Variants in PCDHGA5 observed in about 807,000 individuals in gnomAD.
The protein encoded by PCDHGA5 is protocadherin gamma-A5.
Under a neutral mutation model 56.7 loss-of-function variants are expected in PCDHGA5, and 36 were observed. That is an observed-to-expected ratio of 0.64 (90% CI 0.49 to 0.84). The LOEUF (loss-of-function observed/expected upper bound fraction) is 0.84. PCDHGA5 is among the 40% of genes least tolerant of loss of function. The probability of loss-of-function intolerance (pLI) is 0.00; values close to 1 mark genes in which losing one functional copy is unlikely to be tolerated. For missense variants in PCDHGA5, 1,305 were observed against 1,201.5 expected (o/e 1.09, Z -1.27); for synonymous variants, 563 against 520.2 (o/e 1.08, Z -1.12).
At position 141,405,049 on chromosome 5, in the gene PCDHGA5, C is replaced by T. The variant is rs190786640; in HGVS notation, c.2421+38298C>T. 223 of 1,613,936 alleles carry T rather than the reference C, an allele frequency of 1.4e-4. 1 individual carries two copies. The African/African-American group carries it at 1.9e-3, about 14-fold the overall frequency. On this transcript the variant is annotated intron_variant, in intron 1 of 3. Coordinates refer to ENST00000518069, the MANE Select transcript of PCDHGA5 (RefSeq NM_018918.3). ...TCTACCTCGTTGTGGCTGTGGCAGTCGTCTCCTGTGTCTTCCTCACCTTCG... is the reference window on the plus strand; with the variant it reads ...TCTACCTCGTTGTGGCTGTGGCAGTTGTCTCCTGTGTCTTCCTCACCTTCG...
At chr5:141,413,702 T>G (rs1448671585) in intron 1 of PCDHGA5, 4 of 1,613,606 alleles carry the variant, frequency 2.5e-6, no homozygotes, top group Non-Finnish European at 3.4e-6. Flanking sequence ...AGCTATCAGC[T>G]CAGCCCCAAT....
chr5:141,451,521 TAAAGG>T (rs1187561043), intron 1 of PCDHGA5, among the ~76,000 whole-genome samples: 1 of 152,148 alleles, frequency 6.6e-6, no homozygotes, highest in Non-Finnish European at 1.5e-5. Context: ...TTAGAGCAAG[TAAAGG>T]AGAGTGCCAG....
At chr5:141,478,804 G>C (rs765938054) in intron 1 of PCDHGA5, 48 of 1,462,396 alleles carry the variant, frequency 3.3e-5, no homozygotes, top group Non-Finnish European at 4.1e-5. Context: ...GCACTCTTTT[G>C]CTATCACAAC....
rs1178458180 is a variant in PCDHGA5 at position 141,384,264 on chromosome 5, A to G, written c.2421+17513A>G. The G allele has an allele frequency of 5.0e-6, 8 of 1,613,664 alleles. No individual in the cohort carries two copies. The African/African-American group carries it at 8.0e-5, about 16-fold the overall frequency. On this transcript the variant is annotated intron_variant, in intron 1 of 3. Transcript: ENST00000518069. ...ATAACCCACCCACCTTCCCCCACTCATCCTACTCAGTCTACATCGCTGAGA... is the reference window on the plus strand; with the variant it reads ...ATAACCCACCCACCTTCCCCCACTCGTCCTACTCAGTCTACATCGCTGAGA...
At chr5:141,461,251 A>G (rs925406409) in intron 1 of PCDHGA5, among the ~76,000 whole-genome samples, 1 of 152,156 alleles carries the variant, frequency 6.6e-6, no homozygotes, top group Non-Finnish European at 1.5e-5. Flanking sequence ...TTATATTCCC[A>G]GCAGCAATGT....
rs761396116 is a variant in PCDHGA5 at position 141,409,790 on chromosome 5, C to T, written c.2421+43039C>T. 4 of 1,612,010 alleles carry T rather than the reference C, an allele frequency of 2.5e-6. No homozygotes were observed. The Admixed American group carries it at 5.0e-5, about 20-fold the overall frequency. ...TCACGAGCAGCTGCGCGCCTTCGCGCTCACGCTGCAGGCCCGCGACCACGG... is the reference window on the plus strand; with the variant it reads ...TCACGAGCAGCTGCGCGCCTTCGCGTTCACGCTGCAGGCCCGCGACCACGG... On this transcript the variant is annotated intron_variant, in intron 1 of 3. Transcript: ENST00000518069.
intron 1 of PCDHGA5, chr5:141,410,037 G>A: frequency 1.2e-6 from 2 of 1,613,250 alleles, no homozygotes; most frequent in Non-Finnish European, 1.7e-6. Flanking sequence ...CTGCAGGCCA[G>A]TGAGCCCGGA....
chr5:141,385,520 G>A, intron 1 of PCDHGA5: 1 of 1,359,080 alleles, frequency 7.4e-7, no homozygotes, highest in African/African-American at 1.5e-5. Flanking sequence ...GAAAGCCTAT[G>A]GACAAGATTA....
rs772314048 is a variant in PCDHGA5, at chr5:141,364,724, C to T, written c.394C>T (p.Arg132Cys). ...EIIDINDNFP[R>C]FRDEELKVKV... ...AATCGATATTAATGATAACTTCCCG[C>T]GTTTCCGGGATGAAGAGTTAAAAGT... Residue 132 changes from arginine to cysteine, a missense_variant, in exon 1 of 4, where the codon CGT becomes TGT. Physicochemically the swap from Arg to Cys is radical, Grantham distance 180. Transcript: ENST00000518069. 15 of 1,613,892 alleles carry T rather than the reference C, an allele frequency of 9.3e-6. No individual in the cohort carries two copies. Among genetic ancestry groups the T allele is most frequent in the South Asian group, 7.7e-5 (7 of 91,084 alleles).
At position 141,400,743 on chromosome 5, in the gene PCDHGA5, C is replaced by T. The variant is rs1404866842; in HGVS notation, c.2421+33992C>T. 6.5e-6 allele frequency: 4 copies of T among 611,214 alleles called. No individual in the cohort carries two copies. In the East Asian group the frequency reaches 1.1e-4, roughly 17 times the overall value. 37.9% of individuals were successfully genotyped at this position (611,214 alleles called of 1,614,324 possible). A position where few individuals can be genotyped will look rare whatever the true frequency, so the allele number is the denominator to read the frequency against. On this transcript the variant is annotated intron_variant, in intron 1 of 3. Coordinates refer to ENST00000518069, the MANE Select transcript of PCDHGA5 (RefSeq NM_018918.3). ...ATTTACAAAGTAGTGAGAGTTTGCTCTTAGCTTCCTCTCTAGCAAAAACAT... is the reference window on the plus strand; with the variant it reads ...ATTTACAAAGTAGTGAGAGTTTGCTTTTAGCTTCCTCTCTAGCAAAAACAT...
At position 141,393,532 on chromosome 5, in the gene PCDHGA5, C is replaced by G. The variant is rs1411410420; in HGVS notation, c.2421+26781C>G. 1.4e-5 allele frequency: 23 copies of G among 1,613,886 alleles called. No homozygotes were observed. Among genetic ancestry groups the G allele is most frequent in the Non-Finnish European group, 1.9e-5 (23 of 1,179,916 alleles). On this transcript the variant is annotated intron_variant, in intron 1 of 3. Transcript: ENST00000518069. The stretch of plus-strand genomic sequence containing the variant: ...GTGTTGGATACAAATGACAATGCCC[C>G]GGTTTTTCCTCACCCGATTTACCGA...
Position 141,487,564 on chromosome 5 carries a change from G to A in PCDHGA5, c.2422-7243G>A, listed in dbSNP as rs1436847912. ...AGTCACCCAGTGCACCTATGGCAGG[G>A]GAGCCTGTTCGCCCAAGCTGCCCAC... On this transcript the variant is annotated intron_variant, in intron 1 of 3. Coordinates refer to ENST00000518069, the MANE Select transcript of PCDHGA5 (RefSeq NM_018918.3). This position sits in a 1 kb window ranked among gnomAD's most constrained non-coding sequence, Gnocchi z 5.0. 3 of 1,614,178 alleles carry A rather than the reference G, an allele frequency of 1.9e-6. No homozygotes were observed. Among genetic ancestry groups the A allele is most frequent in the Non-Finnish European group, 2.5e-6 (3 of 1,180,040 alleles).
intron 1 of PCDHGA5, chr5:141,418,388 T>C: frequency 6.2e-7 from 1 of 1,613,942 alleles, no homozygotes; most frequent in Non-Finnish European, 8.5e-7. Flanking sequence ...TCCTAACGAG[T>C]ATTTCTCATT....
intron 1 of PCDHGA5, chr5:141,421,585 G>A: frequency 1.2e-6 from 2 of 1,613,916 alleles, no homozygotes; most frequent in Non-Finnish European, 1.7e-6. Context: ...GATTTACGGA[G>A]TGGAGGTGGA....
At chr5:141,436,425 G>A (rs2097823674) in intron 1 of PCDHGA5, among the ~76,000 whole-genome samples, 2 of 152,268 alleles carry the variant, frequency 1.3e-5, no homozygotes, top group Non-Finnish European at 2.9e-5. Context: ...AACAAATAAT[G>A]TACTCTGGGG....
rs375101471 is a variant in PCDHGA5 at position 141,365,778 on chromosome 5, A to G, written c.1448A>G (p.Asp483Gly). 86 of 1,613,764 alleles carry G rather than the reference A, an allele frequency of 5.3e-5. No homozygotes were observed. The highest frequency in any genetic ancestry group is 6.9e-5 in the Non-Finnish European group (82 of 1,179,892). ...SVTAHDPDSG[D>G]NARVTYSLAE... ...ACAGCCCATGACCCCGACAGCGGCG[A>G]CAACGCTCGAGTCACCTACTCCCTG... The change falls in exon 1 of 4, where the codon GAC becomes GGC. Residue 483 changes from aspartate to glycine, a missense_variant. Physicochemically the swap from Asp to Gly is moderately conservative, Grantham distance 94 (BLOSUM62 -1). Coordinates refer to ENST00000518069, the MANE Select transcript of PCDHGA5 (RefSeq NM_018918.3).
chr5:141,388,930 C>G, intron 1 of PCDHGA5: 1 of 1,614,002 alleles, frequency 6.2e-7, no homozygotes, highest in South Asian at 1.1e-5. Flanking sequence ...ATATTCCAGT[C>G]TCTACCCAAC....
chr5:141,383,476 GA>G, intron 1 of PCDHGA5: 2 of 1,613,748 alleles, frequency 1.2e-6, no homozygotes, highest in Non-Finnish European at 1.7e-6. Context: ...TAAGTACCCG[GA>G]ACTGGTGCTG....
At position 141,383,548 on chromosome 5, in the gene PCDHGA5, G is replaced by A. The variant is rs768977528; in HGVS notation, c.2421+16797G>A. 33 of 1,612,508 alleles carry A rather than the reference G, an allele frequency of 2.0e-5. 1 individual carries two copies. In the Admixed American group the frequency reaches 2.3e-4, roughly 11 times the overall value. ...CCACCTGGTCCTCACAGCCTCTGATGGCGGCGACCCGCCCCGATCCAGCAC... is the reference window on the plus strand; with the variant it reads ...CCACCTGGTCCTCACAGCCTCTGATAGCGGCGACCCGCCCCGATCCAGCAC... On this transcript the variant is annotated intron_variant, in intron 1 of 3. Coordinates refer to ENST00000518069, the MANE Select transcript of PCDHGA5 (RefSeq NM_018918.3).
Sources: gnomAD v4.1 joint callset for allele counts (sites outside exome capture counted in the v4.1 genomes callset) on GRCh38, gnomAD v4.1.1 for gene constraint, Gnocchi (gnomAD v3.1) non-coding constraint, MANE v1.5 for transcripts, NCBI Gene and HGNC (gene_info 2026-07-23, HGNC 2026-07-21) for gene names.